CUX2: variants seen among roughly 807,000 people sequenced by gnomAD.
The protein encoded by CUX2 is cut like homeobox 2.
Under a neutral mutation model 144.8 loss-of-function variants are expected in CUX2, and 40 were observed. That is an observed-to-expected ratio of 0.28 (90% CI 0.21 to 0.36). The LOEUF is 0.36. Ranked by LOEUF, CUX2 falls within the 10% of genes least tolerant of loss-of-function variation. CUX2 has a pLI of 1.00. For synonymous variants in CUX2, 827 were observed against 875.6 expected (o/e 0.94, Z 0.98); for missense variants, 1,615 against 1,994.0 (o/e 0.81, Z 3.62).
At chr12:111,308,861 C>T (rs1190823140) in intron 14 of CUX2, among the ~76,000 whole-genome samples, 1 of 152,172 alleles carries the variant, frequency 6.6e-6, no homozygotes, top group Non-Finnish European at 1.5e-5. Flanking sequence ...CAGCCGACCA[C>T]TGTGGGGAGC....
At chr12:111,273,711 A>G (rs1435228813) in intron 4 of CUX2, among the ~76,000 whole-genome samples, 1 of 152,190 alleles carries the variant, frequency 6.6e-6, no homozygotes, top group African/African-American at 2.4e-5. Flanking sequence ...GAAAGGAGCA[A>G]GACTCCAGGT....
intron 19 of CUX2, among the ~76,000 whole-genome samples, chr12:111,335,474 G>A (rs1232868425): frequency 6.6e-6 from 1 of 152,002 alleles, no homozygotes; most frequent in African/African-American, 2.4e-5. Flanking sequence ...ACTTTGGGAG[G>A]CCAAGGCAGG....
chr12:111,053,582 A>G (rs1870380195), intron 1 of CUX2, among the ~76,000 whole-genome samples: 1 of 152,126 alleles, frequency 6.6e-6, no homozygotes, highest in Non-Finnish European at 1.5e-5. Context: ...ACTTCCCAGC[A>G]TTGCATTTTC....
intron 3 of CUX2, among the ~76,000 whole-genome samples, chr12:111,259,945 C>T (rs1002809985): frequency 2.0e-5 from 3 of 146,988 alleles, no homozygotes; most frequent in Non-Finnish European, 4.5e-5. Context: ...GTGGATTGCC[C>T]GAGCTCAGGA....
At position 111,190,038 on chromosome 12, in the gene CUX2, T is replaced by C. The variant is rs879722896; in HGVS notation, c.64-24162T>C. Among the ~76,000 whole-genome samples, 1 of 152,178 alleles carries C rather than the reference T, an allele frequency of 6.6e-6. No individual in the cohort carries two copies. The highest frequency in any genetic ancestry group is 1.5e-5 in the Non-Finnish European group (1 of 68,034). ...CCATTCTGGTGGGTATGTAGCACTA[T>C]CTCCTTGTGGCTTAAATTTTCATTT... On this transcript the variant is annotated intron_variant, in intron 1 of 21. Transcript: ENST00000261726. This position sits in a 1 kb window ranked among gnomAD's most constrained non-coding sequence, Gnocchi z 4.0.
intron 1 of CUX2, among the ~76,000 whole-genome samples, chr12:111,124,553 T>C (rs998675291): frequency 2.6e-5 from 4 of 152,226 alleles, no homozygotes; most frequent in African/African-American, 9.6e-5. Flanking sequence ...AGTTTTTATA[T>C]AGAAAGGTAG....
chr12:111,157,430 T>C (rs1183546446), intron 1 of CUX2, among the ~76,000 whole-genome samples: 1 of 151,928 alleles, frequency 6.6e-6, no homozygotes, highest in Admixed American at 6.6e-5. Context: ...GGGAGGATTT[T>C]CCTTGGGGAA....
chr12:111,088,790 A>G (rs1263352450), intron 1 of CUX2, among the ~76,000 whole-genome samples: 1 of 152,188 alleles, frequency 6.6e-6, no homozygotes, highest in African/African-American at 2.4e-5. Context: ...GGTTTGGACA[A>G]TGAGCTGAGC....
chr12:111,310,254 T>G lies in CUX2; in HGVS notation c.1472T>G (p.Met491Arg). ...FPSLASGERLMMPPAAFKGEA... is the reference protein window; with the variant it reads ...FPSLASGERLRMPPAAFKGEA... ...AGCCTGGCATCAGGGGAGAGACTGA[T>G]GATGCCCCCAGCCGCCTTCAAGGGA... is the stretch of plus-strand genomic sequence containing the variant. The change falls in exon 15 of 22, where the codon ATG becomes AGG. Residue 491 changes from methionine (M) to arginine (R), a missense_variant. By Grantham distance (91) the Met-to-Arg change is moderately conservative. This residue lies in a region of CUX2 where 154 missense variants were observed against 148.4 expected (regional missense o/e 1.04). Transcript: ENST00000261726. The surrounding 1 kb of genome is among the most constrained non-coding windows in gnomAD (Gnocchi z 7.9). 6.6e-7 allele frequency: 1 copy of G among 1,508,936 alleles called. No individual in the cohort carries two copies. Among genetic ancestry groups the G allele is most frequent in the Non-Finnish European group, 8.9e-7 (1 of 1,128,322 alleles). 93.5% of individuals were successfully genotyped at this position (1,508,936 alleles called of 1,614,324 possible).
intron 8 of CUX2, 106 bp from the exon 9 acceptor site, chr12:111,298,435 C>G: frequency 8.6e-7 from 1 of 1,163,312 alleles, no homozygotes; most frequent in Non-Finnish European, 1.2e-6. Context: ...TGTAGCAAGG[C>G]CTTCAGCCCT....
chr12:111,192,377 A>G (rs937503578), intron 1 of CUX2, among the ~76,000 whole-genome samples: 1 of 151,690 alleles, frequency 6.6e-6, no homozygotes, highest in Non-Finnish European at 1.5e-5. Flanking sequence ...TGATCCTCCC[A>G]CCTCAGCCTC....
At chr12:111,305,551 T>G (rs1886535138) in intron 10 of CUX2, among the ~76,000 whole-genome samples, 1 of 151,968 alleles carries the variant, frequency 6.6e-6, no homozygotes, top group South Asian at 2.1e-4. Flanking sequence ...ATTACATGAG[T>G]CAGGCATGGT....
intron 1 of CUX2, among the ~76,000 whole-genome samples, chr12:111,185,289 A>T (rs7977877): frequency 0.011 from 1,667 of 152,320 alleles, 27 homozygotes; most frequent in African/African-American, 0.038. Flanking sequence ...TCAAAATGGT[A>T]CTGTTTTTAA....
intron 1 of CUX2, among the ~76,000 whole-genome samples, chr12:111,075,261 G>A (rs977265009): frequency 1.4e-4 from 21 of 152,190 alleles, no homozygotes; most frequent in Admixed American, 9.2e-4. Context: ...CAGAGCCACC[G>A]CAAAATTACA....
Position 111,224,009 on chromosome 12 carries a change from T to A in CUX2, c.222+6072T>A, listed in dbSNP as rs1881993495. ...CCTAAAGCTAATGGCTTGAGACTAC[T>A]GTAAGGACTTTGACTGCAACTCTGA... On this transcript the variant is annotated intron_variant, in intron 3 of 21. Coordinates refer to ENST00000261726, the MANE Select transcript of CUX2 (RefSeq NM_015267.4). 2.0e-5 allele frequency among the ~76,000 whole-genome samples: 3 copies of A among 152,314 alleles called. No individual in the cohort carries two copies. The South Asian group carries it at 6.2e-4, about 32-fold the overall frequency.
chr12:111,107,552 C>A (rs1873684840), intron 1 of CUX2, among the ~76,000 whole-genome samples: 1 of 152,246 alleles, frequency 6.6e-6, no homozygotes, highest in South Asian at 2.1e-4. Context: ...GTATTCTGTT[C>A]TTGCTGGCTC....
chr12:111,259,037 G>C (rs984384466), intron 3 of CUX2, among the ~76,000 whole-genome samples: 1 of 125,866 alleles, frequency 7.9e-6, no homozygotes, highest in African/African-American at 4.8e-5. Context: ...CCAGCTGTGT[G>C]TGTGTGTGTG....
chr12:111,069,100 G>A (rs1871143673), intron 1 of CUX2, among the ~76,000 whole-genome samples: 1 of 151,620 alleles, frequency 6.6e-6, no homozygotes, highest in Non-Finnish European at 1.5e-5. Context: ...GCAAGACTCG[G>A]TCTAAAAGAA....
chr12:111,292,714 T>A (rs191521919), intron 5 of CUX2, among the ~76,000 whole-genome samples: 4 of 152,162 alleles, frequency 2.6e-5, no homozygotes, highest in Non-Finnish European at 5.9e-5. Flanking sequence ...AGAAAGGAGA[T>A]TGGTCGTTGC....
Sources: gnomAD v4.1 joint callset for allele counts (sites outside exome capture counted in the v4.1 genomes callset) on GRCh38, gnomAD v4.1.1 for gene constraint, gnomAD v4.1.1 regional missense constraint, Gnocchi (gnomAD v3.1) non-coding constraint, MANE v1.5 for transcripts, NCBI Gene and HGNC (gene_info 2026-07-23, HGNC 2026-07-21) for gene names.